The following PCMT1 variants were observed in gnomAD, a reference collection of about 807,000 sequenced individuals.
PCMT1 encodes protein-L-isoaspartate (D-aspartate) O-methyltransferase, also known as protein-L-isoaspartate(D-aspartate) O-methyltransferase.
Under a neutral mutation model 29.2 loss-of-function variants are expected in PCMT1, and 9 were observed. That is an observed-to-expected ratio of 0.31 (90% CI 0.19 to 0.54). PCMT1 has a LOEUF of 0.54. PCMT1 is among the 20% of genes least tolerant of loss of function. PCMT1 has a pLI of 0.95. For synonymous variants in PCMT1, 98 were observed against 97.5 expected (o/e 1.00, Z -0.03); for missense variants, 184 against 282.2 (o/e 0.65, Z 2.49).
chr6:149,786,786 C>T (rs1235182532), intron 3 of PCMT1, among the ~76,000 whole-genome samples: 5 of 148,380 alleles, frequency 3.4e-5, no homozygotes, highest in Non-Finnish European at 7.4e-5. Flanking sequence ...TCCTCACTTC[C>T]TAGATGGGAT....
chr6:149,795,807 T>G (rs1788585685), intron 5 of PCMT1: 1 of 183,588 alleles, frequency 5.4e-6, no homozygotes, highest in Non-Finnish European at 1.1e-5. Flanking sequence ...CCAGTAAAAT[T>G]CATATAGTTT....
intron 3 of PCMT1, among the ~76,000 whole-genome samples, chr6:149,789,061 A>T (rs1235540813): frequency 4.3e-5 from 6 of 139,294 alleles, no homozygotes; most frequent in Non-Finnish European, 4.6e-5. Context: ...CTGCTATTGG[A>T]TCTGATTTTT....
intron 3 of PCMT1, among the ~76,000 whole-genome samples, chr6:149,781,904 T>A (rs1364449488): frequency 2.0e-5 from 3 of 152,224 alleles, no homozygotes; most frequent in Non-Finnish European, 2.9e-5. Context: ...ACTTTTCTCA[T>A]TCTTTCTTTA....
At chr6:149,770,728 G>A (rs1241114758) in intron 1 of PCMT1, among the ~76,000 whole-genome samples, 1 of 148,498 alleles carries the variant, frequency 6.7e-6, no homozygotes, top group Non-Finnish European at 1.5e-5. Flanking sequence ...AAAAAGCCGG[G>A]TCCAGTGGCT....
chr6:149,810,328 T>G (rs554353715), intron 7 of PCMT1, among the ~76,000 whole-genome samples: 6 of 152,326 alleles, frequency 3.9e-5, no homozygotes, highest in African/African-American at 1.4e-4. Flanking sequence ...CTAAAAGATA[T>G]TTTTTCTGAA....
chr6:149,769,817 G>A (rs1464045829), intron 1 of PCMT1, among the ~76,000 whole-genome samples: 2 of 104,228 alleles, frequency 1.9e-5, no homozygotes, highest in African/African-American at 7.8e-5. Context: ...GGCCTATGTT[G>A]CCTTGCCTGG....
intron 5 of PCMT1, chr6:149,795,380 A>G (rs1423241692): frequency 9.9e-6 from 4 of 402,430 alleles, no homozygotes; most frequent in Admixed American, 9.3e-5. Context: ...AGCTGTTAAG[A>G]TATCTGGGGA....
Position 149,768,265 on chromosome 6 carries a change from A to AT in PCMT1, c.56-2890dup, listed in dbSNP as rs532263921. On this transcript the variant is annotated intron_variant, in intron 1 of 7. Transcript: ENST00000464889. ...GGCACCACACCTGGCTAATTTTCAA[A>AT]TTTTTTTAAAGAAACGGGGTCTCCC... Among the ~76,000 whole-genome samples, 26 of 150,554 alleles carry AT rather than the reference A, an allele frequency of 1.7e-4. 1 individual carries two copies. Among genetic ancestry groups the AT allele is most frequent in the African/African-American group, 5.1e-4 (21 of 41,042 alleles).
intron 1 of PCMT1, among the ~76,000 whole-genome samples, chr6:149,763,535 A>G (rs1457414803): frequency 1.3e-5 from 2 of 152,054 alleles, no homozygotes; most frequent in Non-Finnish European, 2.9e-5. Context: ...ATTAATAACA[A>G]TTTAGAGTTT....
At chr6:149,790,758 C>A (rs995205287) in intron 4 of PCMT1, among the ~76,000 whole-genome samples, 1 of 152,022 alleles carries the variant, frequency 6.6e-6, no homozygotes, top group African/African-American at 2.4e-5. Context: ...CCTATAATCC[C>A]AGCACTTTGG....
intron 3 of PCMT1, among the ~76,000 whole-genome samples, chr6:149,779,326 T>G (rs1401368422): frequency 6.6e-6 from 1 of 152,136 alleles, no homozygotes; most frequent in Non-Finnish European, 1.5e-5. Flanking sequence ...CTGCAGCACG[T>G]AACTCCCTAA....
At chr6:149,766,396 TA>T (rs538382902) in intron 1 of PCMT1, among the ~76,000 whole-genome samples, 1,983 of 152,196 alleles carry the variant, frequency 0.013, 50 homozygotes, top group African/African-American at 0.046. Flanking sequence ...GGCTTACACT[TA>T]AAAAAAATCA....
intron 7 of PCMT1, among the ~76,000 whole-genome samples, chr6:149,803,035 A>G (rs1222407919): frequency 8.3e-6 from 1 of 120,304 alleles, no homozygotes; most frequent in Non-Finnish European, 1.6e-5. Context: ...CCTGGGAGAC[A>G]GAGCAAGGCT....
chr6:149,778,215 T>A lies in PCMT1; in HGVS notation c.192+5046T>A, dbSNP rs187962138. On this transcript the variant is annotated intron_variant, in intron 3 of 7. Coordinates refer to ENST00000464889, the MANE Select transcript of PCMT1 (RefSeq NM_001360452.2). The stretch of plus-strand genomic sequence containing the variant: ...TTTATTCCTTTTGCTTAATTTTTTT[T>A]AACATTTTAATTTTTTATTATTATT... Among the ~76,000 whole-genome samples the A allele has an allele frequency of 1.7e-4, 25 of 151,108 alleles. 1 individual carries two copies. The East Asian group carries it at 2.7e-3, about 17-fold the overall frequency.
At chr6:149,765,926 A>G (rs1490048988) in intron 1 of PCMT1, among the ~76,000 whole-genome samples, 1 of 151,680 alleles carries the variant, frequency 6.6e-6, no homozygotes, top group Non-Finnish European at 1.5e-5. Context: ...AGATCGCGCC[A>G]CTGAACTCCA....
Position 149,794,953 on chromosome 6 carries a change from T to G in PCMT1, c.418+1284T>G, listed in dbSNP as rs1209823674. ...GCTCATGCCTGTAATCCCAGCACTT[T>G]GGGAGGCCAAGGCGGGCGGATCACT... On this transcript the variant is annotated intron_variant, in intron 5 of 7. Transcript: ENST00000464889. The G allele has an allele frequency of 3.7e-5, 16 of 427,932 alleles. No homozygotes were observed. The East Asian group carries it at 5.1e-4, about 14-fold the overall frequency. 26.5% of individuals were successfully genotyped at this position (427,932 alleles called of 1,614,324 possible). A position where few individuals can be genotyped will look rare whatever the true frequency, so the allele number is the denominator to read the frequency against.
In PCMT1 at chr6:149,810,539, T is replaced by G. The variant is rs565234305; in HGVS notation, c.*38-77T>G. 3.9e-6 allele frequency: 4 copies of G among 1,018,248 alleles called. No homozygotes were observed. In the Admixed American group the frequency reaches 6.6e-5, roughly 17 times the overall value. The allele number at this position is 1,018,248 out of a possible 1,614,324, so 63.1% of individuals were successfully genotyped here. A position where few individuals can be genotyped will look rare whatever the true frequency, so the allele number is the denominator to read the frequency against. ...AGCGCATTTTTATTGACTTAATAGT[T>G]GTGTCTAAACTATTATAAAGCCAAA... On this transcript the variant is annotated intron_variant, in intron 7 of 7. Coordinates refer to ENST00000464889, the MANE Select transcript of PCMT1 (RefSeq NM_001360452.2).
intron 5 of PCMT1, chr6:149,795,666 TG>T: frequency 2.6e-6 from 1 of 391,874 alleles, no homozygotes; most frequent in Admixed American, 3.1e-5. Context: ...AATTACCTGT[TG>T]TCCTGATGGC....
Position 149,793,674 on chromosome 6 carries a change from G to A in PCMT1, c.418+5G>A. On this transcript the variant is annotated splice_donor_5th_base_variant and intron_variant, in intron 5 of 7. Coordinates refer to ENST00000464889, the MANE Select transcript of PCMT1 (RefSeq NM_001360452.2). ...CAGGGAGAGTACAGCTTGTTGGTAA[G>A]TATCAGAAAACTTTAAAAATTTCTT... The A allele has an allele frequency of 6.5e-7, 1 of 1,527,766 alleles. No homozygotes were observed. 94.6% of individuals were successfully genotyped at this position (1,527,766 alleles called of 1,614,324 possible).
Sources: allele counts gnomAD v4.1 joint callset (sites outside exome capture counted in the v4.1 genomes callset), GRCh38; gene constraint gnomAD v4.1.1; transcripts MANE v1.5; gene names NCBI Gene and HGNC (gene_info 2026-07-23, HGNC 2026-07-21).